BIRC6: variants seen among roughly 807,000 people sequenced by gnomAD.
The protein encoded by BIRC6 is dual E2 ubiquitin-conjugating enzyme/E3 ubiquitin-protein ligase BIRC6.
A neutral mutation model predicts 503.3 loss-of-function variants in BIRC6; 98 were observed. The ratio of observed to expected loss-of-function variants is 0.19; its 90% CI spans 0.17 to 0.23. BIRC6 has a LOEUF of 0.23. Ranked by LOEUF, BIRC6 falls within the 10% of genes least tolerant of loss-of-function variation. The probability of loss-of-function intolerance (pLI) is 1.00; values close to 1 mark genes in which losing one functional copy is unlikely to be tolerated. For missense variants in BIRC6, 5,360 were observed against 5,806.0 expected, an observed-to-expected ratio of 0.92 and a Z score of 2.50; for synonymous variants, 2,240 against 2,078.7, an observed-to-expected ratio of 1.08 and a Z score of -2.11.
chr2:32,418,421 T>C (rs1329898536), intron 10 of BIRC6, among the ~76,000 whole-genome samples: 1 of 152,238 alleles, frequency 6.6e-6, no homozygotes, highest in Admixed American at 6.5e-5. Flanking sequence ...GTAATAGAGC[T>C]AATAAATGTC....
chr2:32,400,313 T>G (rs2040455547), intron 6 of BIRC6, among the ~76,000 whole-genome samples: 1 of 151,226 alleles, frequency 6.6e-6, no homozygotes, highest in Non-Finnish European at 1.5e-5. Flanking sequence ...TTATTCATAC[T>G]AGAGATCTTT....
At chr2:32,500,962 C>CT (rs1311027315) in intron 46 of BIRC6, among the ~76,000 whole-genome samples, 2 of 151,832 alleles carry the variant, frequency 1.3e-5, no homozygotes, top group African/African-American at 4.8e-5. Context: ...GTCTTGAACT[C>CT]TTATTTCACA....
intron 10 of BIRC6, among the ~76,000 whole-genome samples, chr2:32,427,079 TA>T (rs1283232168): frequency 1.3e-5 from 2 of 149,702 alleles, no homozygotes. Flanking sequence ...CAAGAGCTTA[TA>T]TATATATGTG....
At chr2:32,440,742 G>GTTTA (rs1336113412) in intron 16 of BIRC6, among the ~76,000 whole-genome samples, 6 of 135,248 alleles carry the variant, frequency 4.4e-5, no homozygotes, top group African/African-American at 8.2e-5. Context: ...ATTTTATTGT[G>GTTTA]TTTATTTATT....
Position 32,377,787 on chromosome 2 carries a change from T to A in BIRC6, c.507+18T>A. ...TTACAGAGGTAAGTTGAAATAAGTA[T>A]CAATGTGGTCCTCTACTTAATGTAA... On this transcript the variant is annotated intron_variant, in intron 2 of 73. Transcript: ENST00000421745. 1.3e-6 allele frequency: 2 copies of A among 1,596,284 alleles called. No individual in the cohort carries two copies. Among genetic ancestry groups the A allele is most frequent in the Non-Finnish European group, 1.7e-6 (2 of 1,168,742 alleles).
At chr2:32,572,670 G>C (rs1170197964) in intron 65 of BIRC6, among the ~76,000 whole-genome samples, 1 of 152,108 alleles carries the variant, frequency 6.6e-6, no homozygotes, top group Admixed American at 6.5e-5. Context: ...TAAAATTATA[G>C]TAAGTAGGAT....
In BIRC6 at chr2:32,597,974, AAAT is replaced by A. The variant is rs769145966; in HGVS notation, c.13830+10_13830+12del. On this transcript the variant is annotated splice_region_variant and intron_variant, in intron 69 of 73. Transcript: ENST00000421745. ...AGCGACTTGATATCATGAAGGTAAA[AAAT>A]AATGATAATAAAGCACTCTCCCTTA... The A allele has an allele frequency of 2.5e-6, 4 of 1,600,974 alleles. No individual in the cohort carries two copies. Among genetic ancestry groups the A allele is most frequent in the Non-Finnish European group, 3.4e-6 (4 of 1,173,954 alleles).
At chr2:32,395,853 A>G (rs765217565) in intron 6 of BIRC6, among the ~76,000 whole-genome samples, 16 of 152,196 alleles carry the variant, frequency 1.1e-4, no homozygotes, top group East Asian at 7.7e-4. Context: ...CCGGAAAGCT[A>G]TGGTAAAGTG....
Position 32,525,453 on chromosome 2 carries a change from T to G in BIRC6, c.11756-11T>G. 1 of 1,613,806 alleles carries G rather than the reference T, an allele frequency of 6.2e-7. No homozygotes were observed. The highest frequency in any genetic ancestry group is 8.5e-7 in the Non-Finnish European group (1 of 1,179,734). On this transcript the variant is annotated splice_polypyrimidine_tract_variant and intron_variant, in intron 58 of 73. Coordinates refer to ENST00000421745, the MANE Select transcript of BIRC6 (RefSeq NM_016252.4). ...TGACTATGTAGAATCTTACTGATCC[T>G]TTTCTTTTAGGGCTGAAGTCTCAAT...
At chr2:32,465,616 CT>C (rs1013825192) in intron 26 of BIRC6, among the ~76,000 whole-genome samples, 1 of 152,128 alleles carries the variant, frequency 6.6e-6, no homozygotes, top group African/African-American at 2.4e-5. Flanking sequence ...AGTTTGTCTT[CT>C]GCTTATATGC....
At chr2:32,611,623 G>A in intron 73 of BIRC6, 41 bp downstream of exon 73, 2 of 1,494,996 alleles carry the variant, frequency 1.3e-6, no homozygotes, top group South Asian at 1.4e-5. Context: ...TGCTTTAAGA[G>A]TTGTGTAATT....
chr2:32,608,109 A>T (rs1233361390), intron 72 of BIRC6, among the ~76,000 whole-genome samples: 2 of 150,960 alleles, frequency 1.3e-5, no homozygotes, highest in African/African-American at 4.9e-5. Context: ...AAGTCTGGAC[A>T]ATATAGCAAG....
At position 32,415,243 on chromosome 2, in the gene BIRC6, A is replaced by G; in HGVS notation, c.1952A>G (p.Asn651Ser). Residue 651 changes from asparagine to serine, a missense_variant, in exon 10 of 74, where the codon AAT (asparagine) becomes AGT (serine). This residue lies in a region of BIRC6 where 700 missense variants were observed against 739.3 expected (regional missense o/e 0.95). Coordinates refer to ENST00000421745, the MANE Select transcript of BIRC6 (RefSeq NM_016252.4). ...GGAAAGATCTTTTCACAGATGAACA[A>G]TATTATGAGTAAAAGTTTGCATGAT... ...KAGKIFSQMNNIMSKSLHDDG... is the reference protein window; with the variant it reads ...KAGKIFSQMNSIMSKSLHDDG... 1.2e-6 allele frequency: 2 copies of G among 1,614,006 alleles called. No individual in the cohort carries two copies. Among genetic ancestry groups the G allele is most frequent in the Non-Finnish European group, 8.5e-7 (1 of 1,179,874 alleles).
rs144145937 is a variant in BIRC6 at position 32,515,342 on chromosome 2, A to G, written c.10921A>G (p.Ser3641Gly). Reference sequence around the variant, plus strand: ...TTCTCTTCTTGTGAGGAGTCTGGCTAGTTTCTGCTTTAGCCACATTTCTAG... The same window carrying G: ...TTCTCTTCTTGTGAGGAGTCTGGCTGGTTTCTGCTTTAGCCACATTTCTAG... The part of the protein sequence containing the change: ...LPSLLVRSLA[S>G]FCFSHISSSE... The change falls in exon 55 of 74, where the codon AGT becomes GGT. Residue 3641 changes from serine (S) to glycine (G), a missense_variant. By Grantham distance (56) the Ser-to-Gly change is moderately conservative. Coordinates refer to ENST00000421745, the MANE Select transcript of BIRC6 (RefSeq NM_016252.4). The G allele has an allele frequency of 1.8e-5, 29 of 1,613,712 alleles. No homozygotes were observed. The African/African-American group carries it at 2.3e-4, about 13-fold the overall frequency.
chr2:32,526,341 C>T (rs556904886), intron 59 of BIRC6, among the ~76,000 whole-genome samples: 65 of 152,162 alleles, frequency 4.3e-4, no homozygotes, highest in Non-Finnish European at 8.8e-4. Flanking sequence ...AGGTTTCCCA[C>T]GATGCCCCAC....
chr2:32,366,138 T>G (rs1303149402), intron 1 of BIRC6, among the ~76,000 whole-genome samples: 1 of 152,220 alleles, frequency 6.6e-6, no homozygotes, highest in Non-Finnish European at 1.5e-5. Flanking sequence ...CCCAAAGTGC[T>G]GGGATTACAG....
intron 32 of BIRC6, 177 bp from the exon 33 acceptor site, chr2:32,472,935 G>T (rs2049270865): frequency 1.9e-6 from 1 of 534,434 alleles, no homozygotes; most frequent in East Asian, 3.5e-5. Context: ...ATAATTGACA[G>T]TTATCCAGTC....
chr2:32,511,969 T>C (rs2054501044), intron 53 of BIRC6, among the ~76,000 whole-genome samples: 1 of 152,202 alleles, frequency 6.6e-6, no homozygotes, highest in African/African-American at 2.4e-5. Flanking sequence ...CCAGAACAGG[T>C]TGCTTGAAAT....
rs376251477 is a variant in BIRC6, at chr2:32,467,590, A to C, written c.5422A>C (p.Thr1808Pro). The C allele has an allele frequency of 3.1e-6, 5 of 1,613,816 alleles. No homozygotes were observed. Among genetic ancestry groups the C allele is most frequent in the Middle Eastern group, 1.6e-4 (1 of 6,062 alleles). The change falls in exon 27 of 74, where the codon ACT (threonine) becomes CCT (proline). Residue 1808 changes from threonine (T) to proline (P), a missense_variant. This residue lies in a region of BIRC6 where 2,299 missense variants were observed against 2,267.2 expected (regional missense o/e 1.01). Transcript: ENST00000421745. ...PILLTDVLIPTCGDLASLSID... is the reference protein window; with the variant it reads ...PILLTDVLIPPCGDLASLSID... ...ATTGTTGACTGATGTATTGATTCCC[A>C]CTTGTGGAGACTTGGCCTCTTTGTC... is the stretch of plus-strand genomic sequence containing the variant.
Sources: gnomAD v4.1 joint callset for allele counts (sites outside exome capture counted in the v4.1 genomes callset) on GRCh38, gnomAD v4.1.1 for gene constraint, gnomAD v4.1.1 regional missense constraint, MANE v1.5 for transcripts, NCBI Gene and HGNC (gene_info 2026-07-23, HGNC 2026-07-21) for gene names.